Variants in RGS10 observed in about 807,000 individuals in gnomAD.
RGS10 encodes the protein regulator of G protein signaling 10.
A neutral mutation model predicts 23.5 loss-of-function variants in RGS10; 11 were observed. That is an observed-to-expected ratio of 0.47 (90% CI 0.29 to 0.77). The LOEUF is 0.77. RGS10 is among the 30% of genes least tolerant of loss of function. RGS10 has a pLI of 0.08. For synonymous variants in RGS10, 77 were observed against 83.2 expected (o/e 0.92, Z 0.41); for missense variants, 180 against 226.3 (o/e 0.80, Z 1.31).
chr10:119,525,102 C>T (rs760562542), intron 3 of RGS10, among the ~76,000 whole-genome samples: 8 of 152,182 alleles, frequency 5.3e-5, no homozygotes, highest in Non-Finnish European at 7.3e-5. Context: ...ATTTAAAAAT[C>T]ATCTGGTTTC....
chr10:119,511,411 G>T (rs1844074836), intron 4 of RGS10, among the ~76,000 whole-genome samples: 1 of 152,170 alleles, frequency 6.6e-6, no homozygotes, highest in African/African-American at 2.4e-5. Flanking sequence ...TTGAGGCCAG[G>T]AGTTTGAGAC....
At chr10:119,526,611 C>T (rs1032192435) in intron 2 of RGS10, among the ~76,000 whole-genome samples, 5 of 152,200 alleles carry the variant, frequency 3.3e-5, no homozygotes, top group Non-Finnish European at 2.9e-5. Context: ...CTCTGCTGTG[C>T]AGAGACCTCC....
At chr10:119,525,331 G>A (rs910290663) in intron 3 of RGS10, among the ~76,000 whole-genome samples, 2 of 152,144 alleles carry the variant, frequency 1.3e-5, no homozygotes, top group African/African-American at 2.4e-5. Context: ...CAGACAGAAC[G>A]TCCTTAGCTG....
chr10:119,519,124 CG>C (rs1156962561), intron 3 of RGS10, among the ~76,000 whole-genome samples: 1 of 152,234 alleles, frequency 6.6e-6, no homozygotes, highest in East Asian at 1.9e-4. Flanking sequence ...CTCCACCAGC[CG>C]GCTGACGCTG....
intron 2 of RGS10, among the ~76,000 whole-genome samples, chr10:119,526,737 A>G (rs1844279718): frequency 6.6e-6 from 1 of 152,140 alleles, no homozygotes; most frequent in African/African-American, 2.4e-5. Context: ...GACTCATCCT[A>G]TTCCTGACCC....
chr10:119,518,362 G>A (rs1329068182), intron 3 of RGS10, among the ~76,000 whole-genome samples: 1 of 152,182 alleles, frequency 6.6e-6, no homozygotes, highest in Non-Finnish European at 1.5e-5. Flanking sequence ...TGCCCAGGAA[G>A]CACCTGCACC....
intron 2 of RGS10, among the ~76,000 whole-genome samples, chr10:119,526,981 C>T (rs1003126395): frequency 1.4e-4 from 22 of 152,132 alleles, no homozygotes; most frequent in African/African-American, 4.1e-4. Context: ...CAAGCCTTCA[C>T]GTCAGAGAGA....
rs751118021 is a variant in RGS10 at position 119,527,842 on chromosome 10, C to G, written c.50-418G>C. On this transcript the variant is annotated intron_variant, in intron 1 of 4. Coordinates refer to ENST00000369103, the MANE Select transcript of RGS10 (RefSeq NM_001005339.2). The surrounding 1 kb of genome is among the most constrained non-coding windows in gnomAD (Gnocchi z 4.2). ...TATGGTGCTGTGTTGTGACTATTTA[C>G]ATGACTGACTCCCACTAGTCTGAAG... Among the ~76,000 whole-genome samples, 1 of 152,210 alleles carries G rather than the reference C, an allele frequency of 6.6e-6. No individual in the cohort carries two copies. Among genetic ancestry groups the G allele is most frequent in the African/African-American group, 2.4e-5 (1 of 41,440 alleles).
In RGS10 at chr10:119,515,552, A is replaced by G. The variant is rs1844132401; in HGVS notation, c.356T>C (p.Leu119Pro). The change falls in exon 4 of 5, where the codon CTG becomes CCG. Residue 119 changes from leucine to proline, a missense_variant. Coordinates refer to ENST00000369103, the MANE Select transcript of RGS10 (RefSeq NM_001005339.2). ...GAACATCAGAGGGTGCGGTTCTTCC[A>G]GGATCTTCTCGTTGAGCCGAGACTG... Reference protein sequence around the residue: ...EGQSRLNEKILEEPHPLMFQK... With the variant: ...EGQSRLNEKIPEEPHPLMFQK... 1 of 1,614,072 alleles carries G rather than the reference A, an allele frequency of 6.2e-7. No individual in the cohort carries two copies. Among genetic ancestry groups the G allele is most frequent in the Non-Finnish European group, 8.5e-7 (1 of 1,180,040 alleles).
chr10:119,509,481 C>A (rs2133947225), intron 4 of RGS10, among the ~76,000 whole-genome samples: 1 of 151,090 alleles, frequency 6.6e-6, no homozygotes, highest in South Asian at 2.1e-4. Flanking sequence ...GTATCAGCTA[C>A]TTGGGAGGCT....
intron 3 of RGS10, among the ~76,000 whole-genome samples, chr10:119,519,627 CTCCCAGCT>C (rs1482218810): frequency 4.3e-5 from 5 of 116,224 alleles, no homozygotes; most frequent in Non-Finnish European, 9.1e-5. Flanking sequence ...CTGTATCTGT[CTCCCAGCT>C]CCTGTCTCCC....
chr10:119,506,450 A>G (rs536062842), intron 4 of RGS10, among the ~76,000 whole-genome samples: 1 of 152,364 alleles, frequency 6.6e-6, no homozygotes, highest in East Asian at 1.9e-4. Context: ...TCTGGACACC[A>G]GCGGGATCAG....
At chr10:119,516,896 GC>G (rs1269146661) in intron 3 of RGS10, among the ~76,000 whole-genome samples, 1 of 152,198 alleles carries the variant, frequency 6.6e-6, no homozygotes, top group African/African-American at 2.4e-5. Flanking sequence ...CTCGCCAACA[GC>G]AAAAGCGGGG....
chr10:119,540,392 A>C (rs1234281687), intron 1 of RGS10, among the ~76,000 whole-genome samples: 1 of 152,192 alleles, frequency 6.6e-6, no homozygotes, highest in Non-Finnish European at 1.5e-5. Context: ...CTGGGACTAC[A>C]GGCACGCATC....
rs1219583871 is a variant in RGS10 at position 119,542,583 on chromosome 10, C to A, written c.49+7G>T. The A allele has an allele frequency of 1.4e-6, 2 of 1,422,566 alleles. No individual in the cohort carries two copies. Among genetic ancestry groups the A allele is most frequent in the Admixed American group, 2.6e-5 (1 of 38,270 alleles). 88.1% of individuals were successfully genotyped at this position (1,422,566 alleles called of 1,614,324 possible). On this transcript the variant is annotated splice_region_variant and intron_variant, in intron 1 of 4. Transcript: ENST00000369103. ...CCCCGAGCCCGCGGGCCCCCGAAGC[C>A]GCTTACCTGACGGCGGCCGCTTCCT...
intron 4 of RGS10, among the ~76,000 whole-genome samples, chr10:119,502,303 A>G (rs1247442189): frequency 6.6e-6 from 1 of 152,162 alleles, no homozygotes; most frequent in Non-Finnish European, 1.5e-5. Context: ...CCCCAAGGGG[A>G]AACTTTCAGA....
chr10:119,528,651 G>C (rs1431513159), intron 1 of RGS10, among the ~76,000 whole-genome samples: 2 of 151,822 alleles, frequency 1.3e-5, no homozygotes, highest in African/African-American at 2.4e-5. Context: ...CAGAGGTCAG[G>C]AGTGAAACCT....
At chr10:119,513,371 G>A (rs541324765) in intron 4 of RGS10, among the ~76,000 whole-genome samples, 1 of 152,084 alleles carries the variant, frequency 6.6e-6, no homozygotes, top group South Asian at 2.1e-4. Context: ...GAGGTGGGAG[G>A]ATCACTTGAG....
chr10:119,533,854 G>A (rs1161292180), intron 1 of RGS10, among the ~76,000 whole-genome samples: 2 of 152,104 alleles, frequency 1.3e-5, no homozygotes, highest in African/African-American at 4.8e-5. Flanking sequence ...CTTAGCTCCT[G>A]GGCTCTTTAC....
Sources: gnomAD v4.1 joint callset for allele counts (sites outside exome capture counted in the v4.1 genomes callset) on GRCh38, gnomAD v4.1.1 for gene constraint, Gnocchi (gnomAD v3.1) non-coding constraint, MANE v1.5 for transcripts, NCBI Gene and HGNC (gene_info 2026-07-23, HGNC 2026-07-21) for gene names.